The following TBC1D1 variants were observed in gnomAD, a reference collection of about 807,000 sequenced individuals.
TBC1D1 encodes the protein TBC1 (tre-2/USP6, BUB2, cdc16) domain family, member 1.
In TBC1D1, 89 loss-of-function variants were observed where a neutral mutation model predicts 125.6. The observed-to-expected ratio is 0.71, with a 90% confidence interval of 0.60 to 0.85. TBC1D1 has a LOEUF of 0.85. Among genes scored for constraint, TBC1D1 ranks in the 40% least tolerant of loss-of-function variants. The probability of loss-of-function intolerance (pLI) is 0.00; values close to 1 mark genes in which losing one functional copy is unlikely to be tolerated. For synonymous variants in TBC1D1, 565 were observed against 564.1 expected (o/e 1.00, Z -0.02); for missense variants, 1,377 against 1,469.2 (o/e 0.94, Z 1.03).
rs141481299 is a variant in TBC1D1, at chr4:37,906,197, G to A, written c.417+3685G>A. The stretch of plus-strand genomic sequence containing the variant: ...CAGTCTTGTTCTGTTGCCCAGGTTG[G>A]AGTGCAGTGGCCCGATTTCGGCTCA... On this transcript the variant is annotated intron_variant, in intron 2 of 19. Transcript: ENST00000261439. Among the ~76,000 whole-genome samples the A allele has an allele frequency of 3.1e-3, 465 of 152,100 alleles. 2 individuals are homozygous for A. The highest frequency in any genetic ancestry group is 6.8e-3 in the Middle Eastern group (2 of 294).
chr4:38,131,650 T>C (rs1765606148), intron 18 of TBC1D1, among the ~76,000 whole-genome samples: 1 of 152,128 alleles, frequency 6.6e-6, no homozygotes, highest in Non-Finnish European at 1.5e-5. Flanking sequence ...AGTACCGAGC[T>C]CAAGTCATTC....
chr4:38,098,158 A>G (rs980494444), intron 14 of TBC1D1, among the ~76,000 whole-genome samples: 3 of 152,210 alleles, frequency 2.0e-5, no homozygotes, highest in Non-Finnish European at 4.4e-5. Context: ...AGAAGGAGAG[A>G]CTTGCACTGA....
chr4:38,075,306 A>G (rs1755399040), intron 12 of TBC1D1, among the ~76,000 whole-genome samples: 1 of 152,204 alleles, frequency 6.6e-6, no homozygotes, highest in Non-Finnish European at 1.5e-5. Context: ...ATTTTCTACT[A>G]CATGAGAACA....
intron 2 of TBC1D1, among the ~76,000 whole-genome samples, chr4:37,939,842 G>C (rs911784573): frequency 4.6e-5 from 7 of 152,158 alleles, no homozygotes; most frequent in Non-Finnish European, 1.0e-4. Flanking sequence ...TAGATGCATG[G>C]TATTATTTCT....
rs1729936690 is a variant in TBC1D1 at position 37,960,999 on chromosome 4, C to A, written c.418-53510C>A. On this transcript the variant is annotated intron_variant, in intron 2 of 19. Transcript: ENST00000261439. ...AGTCTCCTTCAAGCATTCTGTCGAC[C>A]CTGGATGTTGAATTGCCAGCTGTTT... 7.4e-6 allele frequency: 12 copies of A among 1,613,954 alleles called. No homozygotes were observed. Among genetic ancestry groups the A allele is most frequent in the Non-Finnish European group, 1.0e-5 (12 of 1,180,018 alleles).
In TBC1D1 at chr4:37,936,536, T is replaced by A. The variant is rs75080078; in HGVS notation, c.417+34024T>A. 8.0e-3 allele frequency among the ~76,000 whole-genome samples: 1,220 copies of A among 152,332 alleles called. 21 individuals are homozygous for A. Among genetic ancestry groups the A allele is most frequent in the African/African-American group, 0.028 (1,147 of 41,572 alleles). ...GTCTAGGGGCTATTGGATGGAATGA[T>A]GATGAATGACCATTCATGGAGTTGA... is the stretch of plus-strand genomic sequence containing the variant. On this transcript the variant is annotated intron_variant, in intron 2 of 19. Coordinates refer to ENST00000261439, the MANE Select transcript of TBC1D1 (RefSeq NM_015173.4).
chr4:38,087,761 G>A (rs1194015023), intron 12 of TBC1D1, among the ~76,000 whole-genome samples: 2 of 145,362 alleles, frequency 1.4e-5, no homozygotes, highest in African/African-American at 2.6e-5. Context: ...CAGGAGAATC[G>A]CTTGAACTTG....
chr4:37,924,113 C>T (rs1282842399), intron 2 of TBC1D1, among the ~76,000 whole-genome samples: 2 of 152,106 alleles, frequency 1.3e-5, no homozygotes, highest in Non-Finnish European at 2.9e-5. Context: ...CTACACCTTG[C>T]TGGCTCCTGC....
intron 7 of TBC1D1, among the ~76,000 whole-genome samples, chr4:38,031,183 A>G (rs1746055828): frequency 6.6e-6 from 1 of 152,248 alleles, no homozygotes; most frequent in African/African-American, 2.4e-5. Flanking sequence ...GCCAATGTGG[A>G]GCTAGTAAAT....
intron 2 of TBC1D1, among the ~76,000 whole-genome samples, chr4:37,983,069 T>C (rs1271464240): frequency 1.3e-5 from 2 of 151,624 alleles, no homozygotes; most frequent in East Asian, 3.9e-4. Context: ...TGGTATTTTA[T>C]TCTGGAGCAG....
intron 2 of TBC1D1, among the ~76,000 whole-genome samples, chr4:37,936,155 C>T (rs779326665): frequency 6.6e-6 from 1 of 152,118 alleles, no homozygotes; most frequent in African/African-American, 2.4e-5. Flanking sequence ...CTAAAACTGA[C>T]GATAGTACTG....
intron 8 of TBC1D1, among the ~76,000 whole-genome samples, chr4:38,043,060 C>T (rs1320042305): frequency 1.3e-5 from 2 of 151,994 alleles, no homozygotes; most frequent in African/African-American, 2.4e-5. Context: ...CGCCACTACA[C>T]CCGGCTGTTT....
chr4:38,115,026 G>T (rs1023994904), intron 15 of TBC1D1, among the ~76,000 whole-genome samples: 77 of 152,120 alleles, frequency 5.1e-4, no homozygotes, highest in African/African-American at 1.8e-3. Context: ...GTGCAGCAGT[G>T]GGGAGGAAGA....
intron 1 of TBC1D1, among the ~76,000 whole-genome samples, chr4:37,901,000 G>T (rs537239723): frequency 1.4e-3 from 212 of 151,600 alleles, no homozygotes; most frequent in African/African-American, 5.0e-3. Context: ...TGAACCCAGG[G>T]GGTGGAGGTT....
intron 1 of TBC1D1, among the ~76,000 whole-genome samples, chr4:37,900,252 T>A (rs1715625822): frequency 1.3e-5 from 2 of 152,064 alleles, no homozygotes; most frequent in African/African-American, 4.8e-5. Context: ...TCGGCAACTT[T>A]AACAGAATTT....
chr4:38,116,034 C>A, intron 16 of TBC1D1, 80 bp downstream of exon 18: 1 of 1,494,088 alleles, frequency 6.7e-7, no homozygotes. Context: ...GCCTCAGGAG[C>A]TTTTTCACCG....
intron 12 of TBC1D1, among the ~76,000 whole-genome samples, chr4:38,063,657 A>G (rs1451824268): frequency 1.3e-5 from 2 of 150,790 alleles, no homozygotes; most frequent in Non-Finnish European, 2.9e-5. Flanking sequence ...GAGACGGAGT[A>G]TTGCTCTGTC....
At chr4:38,015,783 C>G (rs1742585898) in intron 3 of TBC1D1, among the ~76,000 whole-genome samples, 1 of 152,154 alleles carries the variant, frequency 6.6e-6, no homozygotes, top group Admixed American at 6.5e-5. Flanking sequence ...ATTCAGGGCA[C>G]AGGTGAGATG....
chr4:38,070,695 A>G (rs923558662), intron 12 of TBC1D1, among the ~76,000 whole-genome samples: 5 of 152,260 alleles, frequency 3.3e-5, no homozygotes, highest in Admixed American at 3.3e-4. Context: ...ATACACATGG[A>G]GAAAGAATAC....
Sources: gnomAD v4.1 joint callset for allele counts (sites outside exome capture counted in the v4.1 genomes callset) on GRCh38, gnomAD v4.1.1 for gene constraint, MANE v1.5 for transcripts, NCBI Gene and HGNC (gene_info 2026-07-23, HGNC 2026-07-21) for gene names.